Variants in IKZF3 observed in about 807,000 individuals in gnomAD.
IKZF3 encodes the protein IKAROS family zinc finger 3.
A neutral mutation model predicts 49.0 loss-of-function variants in IKZF3; 10 were observed. The ratio of observed to expected loss-of-function variants is 0.20; its 90% CI spans 0.13 to 0.35. The LOEUF is 0.35. Ranked by LOEUF, IKZF3 falls within the 10% of genes least tolerant of loss-of-function variation. IKZF3 has a pLI of 1.00. For missense variants in IKZF3, 498 were observed against 664.8 expected (o/e 0.75, Z 2.76); for synonymous variants, 209 against 228.2 (o/e 0.92, Z 0.76).
At chr17:39,815,711 T>C (rs1220272671) in intron 3 of IKZF3, among the ~76,000 whole-genome samples, 2 of 152,160 alleles carry the variant, frequency 1.3e-5, no homozygotes, top group Non-Finnish European at 2.9e-5. Context: ...TTATTTCCTA[T>C]GGCTCAAGAT....
chr17:39,835,404 G>T, intron 1 of IKZF3: 1 of 471,472 alleles, frequency 2.1e-6, no homozygotes, highest in Non-Finnish European at 4.2e-6. Context: ...CATACACAAT[G>T]GCGGCCTCCA....
chr17:39,788,198 T>A, intron 6 of IKZF3, 60 bp downstream of exon 6: 1 of 990,650 alleles, frequency 1.0e-6, no homozygotes, highest in East Asian at 2.5e-5. Context: ...TTTTACTTAC[T>A]ATTGTATCTC....
chr17:39,805,301 C>T (rs1479541354), intron 3 of IKZF3, among the ~76,000 whole-genome samples: 1 of 152,130 alleles, frequency 6.6e-6, no homozygotes, highest in Non-Finnish European at 1.5e-5. Context: ...TTAGGGTTGA[C>T]AGTGTTTTTA....
rs2062127190 is a variant in IKZF3 at position 39,832,142 on chromosome 17, G to A, written c.17C>T (p.Thr6Ile). 1 of 1,611,380 alleles carries A rather than the reference G, an allele frequency of 6.2e-7. No homozygotes were observed. Among genetic ancestry groups the A allele is most frequent in the African/African-American group, 1.3e-5 (1 of 74,794 alleles). The change falls in exon 2 of 8, where the codon ACA (threonine) becomes ATA (isoleucine). Residue 6 changes from threonine (T) to isoleucine (I), a missense_variant. Transcript: ENST00000346872. The part of the protein sequence containing the change: MEDIQ[T>I]NAELKSTQEQ... ...CTGAGTGCTTTTCAGTTCCGCATTT[G>A]TTTGTATATCTGAAAAGAAAGAGGT... is the stretch of plus-strand genomic sequence containing the variant.
intron 3 of IKZF3, 117 bp from the exon 4 acceptor site, chr17:39,793,050 TGTACA>T: frequency 1.0e-6 from 1 of 1,002,488 alleles, no homozygotes; most frequent in South Asian, 1.6e-5. Flanking sequence ...AACAAAACAC[TGTACA>T]TCTACAAAAC....
chr17:39,792,964 A>G, intron 3 of IKZF3, 31 bp from the exon 4 acceptor site: 6 of 1,605,376 alleles, frequency 3.7e-6, no homozygotes, highest in Non-Finnish European at 5.1e-6. Flanking sequence ...GAAATGAACA[A>G]CGACTATACT....
chr17:39,759,200 G>C lies in IKZF3; in HGVS notation c.*6590C>G, dbSNP rs566198394. ...GGAGGCTGAGGTGGGCAGATTACTT[G>C]AGCCCAGGAGTTCAGGACCAGCCTG... On this transcript the variant is annotated 3_prime_UTR_variant, in exon 8 of 8. Coordinates refer to ENST00000346872, the MANE Select transcript of IKZF3 (RefSeq NM_012481.5). 2.0e-5 allele frequency: 3 copies of C among 152,234 alleles called. No homozygotes were observed. The highest frequency in any genetic ancestry group is 6.5e-5 in the Admixed American group (1 of 15,286). The allele number at this position is 152,234 out of a possible 1,614,324, so 9.4% of individuals were successfully genotyped here.
chr17:39,837,175 T>A (rs905104354), intron 1 of IKZF3, among the ~76,000 whole-genome samples: 2 of 152,108 alleles, frequency 1.3e-5, no homozygotes, highest in Non-Finnish European at 2.9e-5. Context: ...GCTCAAATGA[T>A]CCTCCCACCT....
rs1032626793 is a variant in IKZF3 at position 39,832,086 on chromosome 17, A to G, written c.61+12T>C. ...AAAGGTATATTTCCAGAGAGGAAAG[A>G]CCTGATGTTACCTGCGGGCACAGAC... On this transcript the variant is annotated intron_variant, in intron 2 of 7. Transcript: ENST00000346872. 6 of 1,599,970 alleles carry G rather than the reference A, an allele frequency of 3.8e-6. No individual in the cohort carries two copies. The highest frequency in any genetic ancestry group is 4.3e-6 in the Non-Finnish European group (5 of 1,168,206).
At chr17:39,782,510 A>C (rs983783534) in intron 6 of IKZF3, among the ~76,000 whole-genome samples, 7 of 152,192 alleles carry the variant, frequency 4.6e-5, no homozygotes, top group African/African-American at 1.4e-4. Context: ...AGTGCACTGA[A>C]AAGAAAAAAA....
chr17:39,799,611 C>T (rs2061266246), intron 3 of IKZF3, among the ~76,000 whole-genome samples: 1 of 152,182 alleles, frequency 6.6e-6, no homozygotes, highest in African/African-American at 2.4e-5. Context: ...TCAACCTAGA[C>T]CTACTGGACC....
At chr17:39,843,554 G>A (rs992297404) in intron 1 of IKZF3, among the ~76,000 whole-genome samples, 1 of 152,056 alleles carries the variant, frequency 6.6e-6, no homozygotes, top group East Asian at 1.9e-4. Context: ...TGAACTAAAG[G>A]CAAAAGGTCT....
At chr17:39,772,292 G>A (rs1264439181) in intron 7 of IKZF3, among the ~76,000 whole-genome samples, 5 of 152,124 alleles carry the variant, frequency 3.3e-5, no homozygotes, top group Admixed American at 2.0e-4. Flanking sequence ...CAAAATGATC[G>A]AACCTTTAGA....
chr17:39,792,617 C>T, intron 4 of IKZF3, 56 bp downstream of exon 4: 2 of 1,547,824 alleles, frequency 1.3e-6, no homozygotes, highest in Non-Finnish European at 1.7e-6. Context: ...CACTTCATTT[C>T]TCACGTGGCT....
At chr17:39,864,062 C>G in intron 1 of IKZF3, 58 bp downstream of exon 1, 2 of 1,605,886 alleles carry the variant, frequency 1.2e-6, no homozygotes, top group Non-Finnish European at 1.7e-6. Flanking sequence ...CTTTCTACTG[C>G]TTGCACAGGT....
Position 39,837,255 on chromosome 17 carries a change from TA to T in IKZF3, c.8-5105del, listed in dbSNP as rs1348310262. 9.2e-5 allele frequency among the ~76,000 whole-genome samples: 14 copies of T among 152,192 alleles called. No individual in the cohort carries two copies. In the East Asian group the frequency reaches 9.6e-4, roughly 10 times the overall value. On this transcript the variant is annotated intron_variant, in intron 1 of 7. Coordinates refer to ENST00000346872, the MANE Select transcript of IKZF3 (RefSeq NM_012481.5). The stretch of plus-strand genomic sequence containing the variant: ...TGGCCTGGTGCTTTTCATTTTTTCA[TA>T]AAGATTTGAGTTCTGATCTGGTATC...
chr17:39,785,145 G>A (rs1453599081), intron 6 of IKZF3, among the ~76,000 whole-genome samples: 1 of 152,192 alleles, frequency 6.6e-6, no homozygotes, highest in Non-Finnish European at 1.5e-5. Flanking sequence ...AACAGAAATG[G>A]AAACCACACA....
chr17:39,849,147 T>G (rs2062720707), intron 1 of IKZF3, among the ~76,000 whole-genome samples: 2 of 152,120 alleles, frequency 1.3e-5, no homozygotes, highest in South Asian at 4.1e-4. Context: ...AAAGTACACA[T>G]TACTGGCTGG....
At chr17:39,769,408 G>C (rs1567958808) in intron 7 of IKZF3, among the ~76,000 whole-genome samples, 1 of 152,146 alleles carries the variant, frequency 6.6e-6, no homozygotes, top group Non-Finnish European at 1.5e-5. Context: ...ATAGTTTCCA[G>C]AGAAATACCT....
Sources: allele counts gnomAD v4.1 joint callset (sites outside exome capture counted in the v4.1 genomes callset), GRCh38; gene constraint gnomAD v4.1.1; transcripts MANE v1.5; gene names NCBI Gene and HGNC (gene_info 2026-07-23, HGNC 2026-07-21).